Variants in C10orf90 observed in about 807,000 individuals in gnomAD.
The protein encoded by C10orf90 is chromosome 10 open reading frame 90, also known as (E2-independent) E3 ubiquitin-conjugating enzyme FATS.
Under a neutral mutation model 62.5 loss-of-function variants are expected in C10orf90, and 56 were observed. That is an observed-to-expected ratio of 0.90 (90% CI 0.72 to 1.12). C10orf90 has a LOEUF of 1.12. C10orf90 is among the 50% of genes most tolerant of loss of function. C10orf90 has a pLI of 0.00. For synonymous variants in C10orf90, 386 were observed against 340.4 expected, an observed-to-expected ratio of 1.13 and a Z score of -1.47; for missense variants, 970 against 880.4, an observed-to-expected ratio of 1.10 and a Z score of -1.29.
chr10:126,428,263 G>A (rs1419057280), intron 8 of C10orf90, among the ~76,000 whole-genome samples: 1 of 152,158 alleles, frequency 6.6e-6, no homozygotes, highest in Admixed American at 6.5e-5. Context: ...TATCACTGTG[G>A]GTGTCTGGGG....
At chr10:126,663,721 C>T (rs771313544) in intron 1 of C10orf90, among the ~76,000 whole-genome samples, 39 of 151,964 alleles carry the variant, frequency 2.6e-4, no homozygotes, top group Non-Finnish European at 4.4e-4. Flanking sequence ...GGGGTTCATG[C>T]GGTTGGAAAA....
chr10:126,543,305 A>T (rs183382166), intron 2 of C10orf90, among the ~76,000 whole-genome samples: 1 of 152,150 alleles, frequency 6.6e-6, no homozygotes, highest in Non-Finnish European at 1.5e-5. Context: ...CTGTTCTTTC[A>T]TCTGAAAAAT....
chr10:126,493,682 A>G (rs1861884500), intron 4 of C10orf90, among the ~76,000 whole-genome samples: 2 of 152,180 alleles, frequency 1.3e-5, no homozygotes, highest in Non-Finnish European at 2.9e-5. Flanking sequence ...ATAAGAAAAA[A>G]TGAAGCCCTA....
At chr10:126,466,693 G>A (rs1309580432) in intron 4 of C10orf90, among the ~76,000 whole-genome samples, 1 of 152,100 alleles carries the variant, frequency 6.6e-6, no homozygotes, top group Non-Finnish European at 1.5e-5. Flanking sequence ...TCACCAAGAG[G>A]GGAAGAAACC....
chr10:126,449,276 G>A (rs150352874), intron 7 of C10orf90, among the ~76,000 whole-genome samples: 3 of 152,182 alleles, frequency 2.0e-5, no homozygotes, highest in East Asian at 3.9e-4. Context: ...ACAGAATAAA[G>A]GACAAGAGCC....
chr10:126,560,403 C>T (rs188211708), intron 2 of C10orf90, among the ~76,000 whole-genome samples: 67 of 152,234 alleles, frequency 4.4e-4, no homozygotes, highest in African/African-American at 1.5e-3. Context: ...AATAAGCTGC[C>T]GACGCGCACG....
At chr10:126,523,447 C>G (rs1277973702) in intron 2 of C10orf90, 1 of 151,132 alleles carries the variant, frequency 6.6e-6, no homozygotes, top group African/African-American at 2.4e-5. Context: ...ATGCAGAGAA[C>G]ACAAGGAATC....
At chr10:126,564,029 C>T (rs905515247) in intron 2 of C10orf90, among the ~76,000 whole-genome samples, 2 of 152,080 alleles carry the variant, frequency 1.3e-5, no homozygotes, top group Non-Finnish European at 1.5e-5. Flanking sequence ...ACTGGATGCC[C>T]GTAGTCCCCA....
rs561167424 is a variant in C10orf90 at position 126,529,690 on chromosome 10, G to A, written c.314-15751C>T. Among the ~76,000 whole-genome samples the A allele has an allele frequency of 9.2e-5, 14 of 152,268 alleles. No individual in the cohort carries two copies. The South Asian group carries it at 2.7e-3, about 29-fold the overall frequency. On this transcript the variant is annotated intron_variant, in intron 2 of 9. Coordinates refer to ENST00000488181, the MANE Select transcript of C10orf90 (RefSeq NM_001350921.2). ...TAAGAGACCATTCCGCATCTACCCA[G>A]ATTGGCAAAAAATCAGTGATATTAA...
intron 7 of C10orf90, among the ~76,000 whole-genome samples, chr10:126,442,924 C>T (rs1380980285): frequency 1.3e-5 from 2 of 151,534 alleles, no homozygotes; most frequent in African/African-American, 2.4e-5. Context: ...GGCTCAAAAA[C>T]GAAATCAAGA....
At chr10:126,650,391 G>A (rs377146232) in intron 1 of C10orf90, among the ~76,000 whole-genome samples, 1 of 152,300 alleles carries the variant, frequency 6.6e-6, no homozygotes, top group East Asian at 1.9e-4. Context: ...CCTGATTTAA[G>A]CCTGGTGTCA....
chr10:126,498,043 C>A (rs1182034964), intron 4 of C10orf90, among the ~76,000 whole-genome samples: 2 of 152,192 alleles, frequency 1.3e-5, no homozygotes, highest in Admixed American at 6.5e-5. Flanking sequence ...TAAGAAAAGA[C>A]CATCGTAAGA....
intron 2 of C10orf90, among the ~76,000 whole-genome samples, chr10:126,621,190 C>T (rs562350967): frequency 1.3e-5 from 2 of 152,300 alleles, no homozygotes; most frequent in East Asian, 1.9e-4. Flanking sequence ...GACTCTACGA[C>T]TTTACATAAC....
chr10:126,507,940 T>C (rs1446295453), intron 3 of C10orf90, among the ~76,000 whole-genome samples: 1 of 152,026 alleles, frequency 6.6e-6, no homozygotes, highest in African/African-American at 2.4e-5. Flanking sequence ...TTCCCTCCCA[T>C]TTTAGTTAAA....
intron 2 of C10orf90, among the ~76,000 whole-genome samples, chr10:126,571,424 C>T (rs1383158073): frequency 6.6e-6 from 1 of 152,178 alleles, no homozygotes; most frequent in Non-Finnish European, 1.5e-5. Context: ...GCTCCTGCAG[C>T]AGAGACTCCT....
intron 2 of C10orf90, among the ~76,000 whole-genome samples, chr10:126,576,560 C>G (rs1844614690): frequency 6.6e-6 from 1 of 151,462 alleles, no homozygotes; most frequent in Admixed American, 6.6e-5. Flanking sequence ...TCAGCAATCC[C>G]ACTACTGGGC....
At position 126,561,824 on chromosome 10, in the gene C10orf90, C is replaced by A. The variant is rs571513234; in HGVS notation, c.314-47885G>T. ...CGGGCCCCGGGTGGCCTGCTGAGCG[C>A]CAGTCAACACCTCCAGACAGGAGCA... On this transcript the variant is annotated intron_variant, in intron 2 of 9. Transcript: ENST00000488181. 2.0e-4 allele frequency among the ~76,000 whole-genome samples: 30 copies of A among 152,240 alleles called. No homozygotes were observed. In the South Asian group the frequency reaches 6.2e-3, roughly 32 times the overall value.
At chr10:126,484,177 ACT>A (rs1478604694) in intron 4 of C10orf90, among the ~76,000 whole-genome samples, 3 of 151,890 alleles carry the variant, frequency 2.0e-5, no homozygotes, top group Non-Finnish European at 2.9e-5. Flanking sequence ...AAAACTTTAA[ACT>A]CTGTTATTTT....
At chr10:126,466,596 G>A (rs939306191) in intron 4 of C10orf90, among the ~76,000 whole-genome samples, 2 of 152,240 alleles carry the variant, frequency 1.3e-5, no homozygotes, top group South Asian at 4.1e-4. Flanking sequence ...AGAGCAAAAA[G>A]TCTGGGGCTA....
Sources: gnomAD v4.1 joint callset for allele counts (sites outside exome capture counted in the v4.1 genomes callset) on GRCh38, gnomAD v4.1.1 for gene constraint, MANE v1.5 for transcripts, NCBI Gene and HGNC (gene_info 2026-07-23, HGNC 2026-07-21) for gene names.